The following GOLGA6B variants were observed in gnomAD, a reference collection of about 807,000 sequenced individuals.
GOLGA6B encodes the protein golgin subfamily A member 6B.
In GOLGA6B, 11 loss-of-function variants were observed where a neutral mutation model predicts 63.0. That is an observed-to-expected ratio of 0.17 (90% CI 0.11 to 0.29). GOLGA6B has a LOEUF of 0.29. GOLGA6B is among the 10% of genes least tolerant of loss of function. GOLGA6B has a pLI of 1.00. For missense variants in GOLGA6B, 134 were observed against 563.8 expected (o/e 0.24, Z 7.72); for synonymous variants, 46 against 232.6 (o/e 0.20, Z 7.30).
Position 72,664,582 on chromosome 15 carries a change from T to C in GOLGA6B, c.1501+71T>C. On this transcript the variant is annotated intron_variant, in intron 13 of 17. Coordinates refer to ENST00000421285, the MANE Select transcript of GOLGA6B (RefSeq NM_018652.5). ...GGGGGGACTGTTAGCAGCATAGGAT[T>C]GAGGGGTTGGAAGAGACCTTTAGAA... The C allele has an allele frequency of 4.7e-6, 5 of 1,063,394 alleles. 1 individual carries two copies. The highest frequency in any genetic ancestry group is 6.7e-6 in the Non-Finnish European group (5 of 747,912). The allele number at this position is 1,063,394 out of a possible 1,614,324, so 65.9% of individuals were successfully genotyped here.
At chr15:72,661,196 G>A (rs1318534172) in intron 7 of GOLGA6B, 68 bp from the exon 8 acceptor site, 13 of 1,241,780 alleles carry the variant, frequency 1.0e-5, no homozygotes, top group Non-Finnish European at 1.3e-5. Context: ...ATTGAGCCTA[G>A]CCCTAGCCCT....
Position 72,669,281 on chromosome 15 carries a change from TAA to T in GOLGA6B, c.*2941_*2942del, listed in dbSNP as rs2140472735. Among the ~76,000 whole-genome samples, 1 of 152,364 alleles carries T rather than the reference TAA, an allele frequency of 6.6e-6. No homozygotes were observed. Among genetic ancestry groups the T allele is most frequent in the South Asian group, 2.1e-4 (1 of 4,830 alleles). On this transcript the variant is annotated 3_prime_UTR_variant, in exon 18 of 18. Coordinates refer to ENST00000421285, the MANE Select transcript of GOLGA6B (RefSeq NM_018652.5). Reference sequence around the variant, plus strand: ...ATATAGTTTCTCTAAAACTTTATCTTAAAGAGTCATTTTAAAAGAATATAACT... The same window carrying T: ...ATATAGTTTCTCTAAAACTTTATCTTAGAGTCATTTTAAAAGAATATAACT...
At position 72,664,495 on chromosome 15, in the gene GOLGA6B, G is replaced by A. The variant is rs569741976; in HGVS notation, c.1485G>A (p.Val495=). 5.0e-5 allele frequency: 68 copies of A among 1,356,664 alleles called. 7 individuals are homozygous for A. The African/African-American group carries it at 9.1e-4, about 18-fold the overall frequency. The allele number at this position is 1,356,664 out of a possible 1,614,324, so 84.0% of individuals were successfully genotyped here. ...AGCTAGAGACCCAGCTAAGCCTCGT[G>A]GCTCTCCCGGGAGAAGGTACAGGAG... is the stretch of plus-strand genomic sequence containing the variant. ...NQQLETQLSL[V]ALPGEGDGGQ... The change falls in exon 13 of 18, where the codon GTG becomes GTA. Residue 495 remains valine (V), a synonymous_variant. Transcript: ENST00000421285.
intron 12 of GOLGA6B, among the ~76,000 whole-genome samples, chr15:72,664,226 T>A (rs372560608): frequency 7.7e-6 from 1 of 130,196 alleles, no homozygotes; most frequent in African/African-American, 2.6e-5. Context: ...GCAGCTGACC[T>A]CTGAGAAGGA....
intron 13 of GOLGA6B, 129 bp downstream of exon 13, chr15:72,664,640 C>T (rs1488280055): frequency 2.8e-6 from 2 of 723,898 alleles, no homozygotes; most frequent in Non-Finnish European, 4.3e-6. Flanking sequence ...GGTGTCCGCA[C>T]TAAGTTCAGC....
At chr15:72,664,345 G>C in intron 12 of GOLGA6B, 91 bp from the exon 13 acceptor site, 1 of 1,250,700 alleles carries the variant, frequency 8.0e-7, no homozygotes, top group Admixed American at 2.0e-5. Context: ...AGTTGCAGGA[G>C]ACCCAGGGGA....
In GOLGA6B at chr15:72,663,944, G is replaced by T. The variant is rs2064616429; in HGVS notation, c.1426-492G>T. 1.5e-5 allele frequency among the ~76,000 whole-genome samples: 2 copies of T among 130,654 alleles called. 1 individual carries two copies. Among genetic ancestry groups the T allele is most frequent in the South Asian group, 5.5e-4 (2 of 3,610 alleles). The allele number at this position is 130,654 out of a possible 152,430, so 85.7% of individuals were successfully genotyped here. A position where few individuals can be genotyped will look rare whatever the true frequency, so the allele number is the denominator to read the frequency against. On this transcript the variant is annotated intron_variant, in intron 12 of 17. Transcript: ENST00000421285. The stretch of plus-strand genomic sequence containing the variant: ...TTAAATGGTGGGAAGAAGGACATGA[G>T]ATTTGAGGCTGGGGAAGGAGGTATG...
In GOLGA6B at chr15:72,661,324, G is replaced by T. The variant is rs1355619746; in HGVS notation, c.625G>T (p.Ala209Ser). 1 of 1,612,840 alleles carries T rather than the reference G, an allele frequency of 6.2e-7. No homozygotes were observed. Among genetic ancestry groups the T allele is most frequent in the African/African-American group, 1.3e-5 (1 of 74,804 alleles). The change falls in exon 8 of 18, where the codon GCG becomes TCG. Residue 209 changes from alanine (A) to serine (S), a missense_variant. Ala to Ser is a moderately conservative substitution (Grantham distance 99). Transcript: ENST00000421285. ...GTTACAGCAGACCATAAAGGAGCGG[G>T]CGCTGCTGAACGCACACGTGACACA... ...RRLQQTIKER[A>S]LLNAHVTQVT...
intron 13 of GOLGA6B, 54 bp from the exon 14 acceptor site, chr15:72,664,890 A>C: frequency 2.0e-6 from 1 of 510,744 alleles, no homozygotes; most frequent in South Asian, 2.5e-5. Context: ...AGGTAGGCCC[A>C]CAGGACCTTC....
chr15:72,665,311 G>C (rs1359277507), intron 14 of GOLGA6B, among the ~76,000 whole-genome samples: 5 of 91,636 alleles, frequency 5.5e-5, no homozygotes, highest in Non-Finnish European at 5.9e-5. Flanking sequence ...ACCTCTGCTG[G>C]AGCCAGTTCC....
At chr15:72,665,241 A>G (rs2064630866) in intron 14 of GOLGA6B, among the ~76,000 whole-genome samples, 1 of 113,726 alleles carries the variant, frequency 8.8e-6, no homozygotes, top group Admixed American at 9.1e-5. Context: ...TCCCTGCCTC[A>G]TTTGTTCTGT....
chr15:72,665,211 G>A (rs1402992756), intron 14 of GOLGA6B, among the ~76,000 whole-genome samples, 176 bp downstream of exon 14: 1 of 123,124 alleles, frequency 8.1e-6, no homozygotes, highest in East Asian at 3.2e-4. Flanking sequence ...AGGCCCCAAG[G>A]GAAGGGGTTG....
At chr15:72,661,081 C>CT (rs754232465) in intron 7 of GOLGA6B, among the ~76,000 whole-genome samples, 183 bp from the exon 8 acceptor site, 637 of 150,274 alleles carry the variant, frequency 4.2e-3, no homozygotes, top group Middle Eastern at 0.01. Context: ...TGTTAGCCAG[C>CT]TGTAAATTCT....
intron 2 of GOLGA6B, among the ~76,000 whole-genome samples, chr15:72,657,084 A>G (rs2064579654): frequency 5.9e-5 from 1 of 16,932 alleles, no homozygotes; most frequent in Non-Finnish European, 2.6e-4. Flanking sequence ...GAGCAAGAGA[A>G]GGTCTAACTT....
At chr15:72,657,938 T>G in intron 2 of GOLGA6B, among the ~76,000 whole-genome samples, 2 of 101,822 alleles carry the variant, frequency 2.0e-5, no homozygotes. Context: ...AGCAGGCATG[T>G]GGGATTTGGG....
At position 72,662,326 on chromosome 15, in the gene GOLGA6B, A is replaced by G. The variant is rs2064603575; in HGVS notation, c.922A>G (p.Arg308Gly). The G allele has an allele frequency of 7.2e-7, 1 of 1,390,856 alleles. No individual in the cohort carries two copies. The highest frequency in any genetic ancestry group is 1.4e-5 in the South Asian group (1 of 71,768). The allele number at this position is 1,390,856 out of a possible 1,614,324, so 86.2% of individuals were successfully genotyped here. Residue 308 changes from arginine to glycine, a missense_variant, in exon 11 of 18, where the codon AGG becomes GGG. Coordinates refer to ENST00000421285, the MANE Select transcript of GOLGA6B (RefSeq NM_018652.5). ...GCTACAAGATGAGGCCAAACACCTG[A>G]GGCAGGAGGTGGAAGGTCTGGAGGG... ...EQLQDEAKHL[R>G]QEVEGLEGKL...
intron 13 of GOLGA6B, 101 bp downstream of exon 13, chr15:72,664,612 T>A: frequency 1.1e-6 from 1 of 878,348 alleles, no homozygotes; most frequent in Admixed American, 2.5e-5. Flanking sequence ...TTAGAACAGC[T>A]GGTCGTTATG....
In GOLGA6B at chr15:72,664,201, C is replaced by T. The variant is rs369345560; in HGVS notation, c.1426-235C>T. The stretch of plus-strand genomic sequence containing the variant: ...AGTACCTGGGTCACCTGCAGCAGTA[C>T]GTGGCCACCTATCAGCAGCTGACCT... On this transcript the variant is annotated intron_variant, in intron 12 of 17. Coordinates refer to ENST00000421285, the MANE Select transcript of GOLGA6B (RefSeq NM_018652.5). Among the ~76,000 whole-genome samples, 4 of 130,704 alleles carry T rather than the reference C, an allele frequency of 3.1e-5. 1 individual carries two copies. Among genetic ancestry groups the T allele is most frequent in the East Asian group, 2.3e-4 (1 of 4,272 alleles). The allele number at this position is 130,704 out of a possible 152,430, so 85.7% of individuals were successfully genotyped here. A position where few individuals can be genotyped will look rare whatever the true frequency, so the allele number is the denominator to read the frequency against.
At position 72,664,442 on chromosome 15, in the gene GOLGA6B, C is replaced by G. The variant is rs2064621278; in HGVS notation, c.1432C>G (p.Leu478Val). ...CTGTTTCCCGTCCCCTTAGGAGCAC[C>G]TAGAAGCTGCCAGCCAGCAGAACCA... Reference protein sequence around the residue: ...ELQEKLDEEHLEAASQQNQQL... With the variant: ...ELQEKLDEEHVEAASQQNQQL... Residue 478 changes from leucine to valine, a missense_variant, in exon 13 of 18, where the codon CTA becomes GTA. Leu to Val is a conservative substitution (Grantham distance 32, BLOSUM62 1). Transcript: ENST00000421285. 7.6e-7 allele frequency: 1 copy of G among 1,324,068 alleles called. No individual in the cohort carries two copies. Among genetic ancestry groups the G allele is most frequent in the Non-Finnish European group, 1.0e-6 (1 of 963,932 alleles). The allele number at this position is 1,324,068 out of a possible 1,614,324, so 82.0% of individuals were successfully genotyped here.
Sources: gnomAD v4.1 joint callset for allele counts (sites outside exome capture counted in the v4.1 genomes callset) on GRCh38, gnomAD v4.1.1 for gene constraint, MANE v1.5 for transcripts, NCBI Gene and HGNC (gene_info 2026-07-23, HGNC 2026-07-21) for gene names.